Variants in EYS observed in about 807,000 individuals in gnomAD.
EYS encodes the protein EGF-like photoreceptor maintenance factor.
EYS carries 250 observed loss-of-function variants against 282.1 expected under a neutral mutation model. The observed-to-expected ratio is 0.89, with a 90% CI of 0.80 to 0.98. The LOEUF is 0.98. EYS is among the 50% of genes least tolerant of loss of function. The pLI is 0.00. For missense variants in EYS, 4,016 were observed against 3,709.0 expected (o/e 1.08, Z -2.15); for synonymous variants, 1,355 against 1,282.9 (o/e 1.06, Z -1.20).
intron 26 of EYS, among the ~76,000 whole-genome samples, chr6:64,504,786 A>T (rs1777161451): frequency 6.6e-6 from 1 of 152,218 alleles, no homozygotes; most frequent in Non-Finnish European, 1.5e-5. Context: ...TGCAGTTGAG[A>T]GAGAGAAGTT....
At chr6:63,935,166 A>G (rs1049487330) in intron 35 of EYS, among the ~76,000 whole-genome samples, 1 of 152,272 alleles carries the variant, frequency 6.6e-6, no homozygotes. Flanking sequence ...TCCCCTCCCA[A>G]CTTCTCAGCT....
At chr6:64,610,848 T>G (rs1356499849) in intron 24 of EYS, among the ~76,000 whole-genome samples, 1 of 152,170 alleles carries the variant, frequency 6.6e-6, no homozygotes, top group Non-Finnish European at 1.5e-5. Context: ...CTTCCTCTTT[T>G]CATTAATATT....
At chr6:64,423,850 A>G (rs2150454085) in intron 28 of EYS, among the ~76,000 whole-genome samples, 1 of 152,286 alleles carries the variant, frequency 6.6e-6, no homozygotes, top group African/African-American at 2.4e-5. Context: ...GAGATCACCA[A>G]TGGCAAGCTT....
chr6:63,952,991 C>CA (rs1765664343), intron 35 of EYS, among the ~76,000 whole-genome samples: 1 of 152,228 alleles, frequency 6.6e-6, no homozygotes, highest in Non-Finnish European at 1.5e-5. Flanking sequence ...AAAAACTGGA[C>CA]AAGTCTTACA....
At chr6:65,110,787 CT>C (rs1360188481) in intron 12 of EYS, among the ~76,000 whole-genome samples, 3 of 151,964 alleles carry the variant, frequency 2.0e-5, no homozygotes, top group Non-Finnish European at 4.4e-5. Flanking sequence ...ACTGATAAAA[CT>C]TGTCCTCCAT....
At chr6:64,769,949 A>AC (rs1362545258) in intron 22 of EYS, among the ~76,000 whole-genome samples, 2 of 152,006 alleles carry the variant, frequency 1.3e-5, no homozygotes, top group Non-Finnish European at 2.9e-5. Context: ...ATATACACAC[A>AC]CACATACAGA....
At chr6:64,682,073 G>A (rs1017615092) in intron 22 of EYS, among the ~76,000 whole-genome samples, 2 of 152,064 alleles carry the variant, frequency 1.3e-5, no homozygotes, top group Non-Finnish European at 2.9e-5. Context: ...CAGGCCCCCG[G>A]GTGGGGCTAT....
chr6:65,456,875 C>T (rs897701975), intron 5 of EYS, among the ~76,000 whole-genome samples: 2 of 152,088 alleles, frequency 1.3e-5, no homozygotes, highest in African/African-American at 2.4e-5. Flanking sequence ...CAAACTGTCC[C>T]TGTTTGTAGA....
intron 13 of EYS, among the ~76,000 whole-genome samples, chr6:65,026,877 A>G (rs1343893856): frequency 6.6e-6 from 1 of 150,848 alleles, no homozygotes; most frequent in East Asian, 2.0e-4. Context: ...AGATCGTGCC[A>G]TTGCACTCCA....
intron 33 of EYS, among the ~76,000 whole-genome samples, chr6:64,054,992 A>G (rs1770932941): frequency 6.6e-6 from 1 of 152,192 alleles, no homozygotes; most frequent in Non-Finnish European, 1.5e-5. Context: ...TCCACCTCAC[A>G]ATCATCTGGA....
chr6:64,802,047 T>C, intron 22 of EYS, among the ~76,000 whole-genome samples: 1 of 139,990 alleles, frequency 7.1e-6, no homozygotes, highest in Non-Finnish European at 1.6e-5. Flanking sequence ...TTTTTTTTTT[T>C]TTTTGAGACG....
chr6:64,491,471 C>G (rs530396088), intron 26 of EYS, among the ~76,000 whole-genome samples: 2 of 150,902 alleles, frequency 1.3e-5, no homozygotes, highest in Admixed American at 6.6e-5. Context: ...TTACTGAACC[C>G]AGAGAATACT....
intron 36 of EYS, among the ~76,000 whole-genome samples, chr6:63,835,978 T>C (rs377008616): frequency 2.0e-5 from 3 of 152,128 alleles, no homozygotes; most frequent in East Asian, 3.8e-4. Flanking sequence ...TGTTCATCTG[T>C]TGGCAGACAT....
chr6:64,478,534 AT>A (rs911249345), intron 26 of EYS, among the ~76,000 whole-genome samples: 1 of 151,300 alleles, frequency 6.6e-6, no homozygotes, highest in Non-Finnish European at 1.5e-5. Flanking sequence ...TTGTCACTTC[AT>A]TTTTTTAACT....
chr6:65,672,341 G>A (rs1400240629), intron 1 of EYS, among the ~76,000 whole-genome samples: 2 of 152,028 alleles, frequency 1.3e-5, no homozygotes, highest in African/African-American at 4.8e-5. Flanking sequence ...CTTCATTAGT[G>A]GAGACAGACA....
chr6:64,166,600 C>T lies in EYS; in HGVS notation c.6424+63992G>A, dbSNP rs139832262. The stretch of plus-strand genomic sequence containing the variant: ...TGTCATGCTGAAGGGATTAACCTAC[C>T]GATTTTAACAAAGAGGGATATCTCC... On this transcript the variant is annotated intron_variant, in intron 31 of 42. Transcript: ENST00000503581. Among the ~76,000 whole-genome samples, 11 of 151,552 alleles carry T rather than the reference C, an allele frequency of 7.3e-5. No homozygotes were observed. The South Asian group carries it at 1.0e-3, about 14-fold the overall frequency.
At chr6:64,322,180 G>C (rs1258651450) in intron 29 of EYS, among the ~76,000 whole-genome samples, 1 of 151,972 alleles carries the variant, frequency 6.6e-6, no homozygotes, top group Non-Finnish European at 1.5e-5. Flanking sequence ...AAGTGGAGTA[G>C]AGCCTGAAAA....
intron 8 of EYS, among the ~76,000 whole-genome samples, chr6:65,357,408 G>A (rs1219614355): frequency 6.6e-6 from 1 of 151,892 alleles, no homozygotes; most frequent in African/African-American, 2.4e-5. Context: ...ACCTTCTTAA[G>A]CTTCAAGTGA....
chr6:64,554,033 A>G (rs1277735047), intron 26 of EYS, among the ~76,000 whole-genome samples: 2 of 152,164 alleles, frequency 1.3e-5, no homozygotes, highest in Non-Finnish European at 2.9e-5. Flanking sequence ...TAAGATTATG[A>G]AATGGCATCC....
Sources: allele counts gnomAD v4.1 joint callset (sites outside exome capture counted in the v4.1 genomes callset), GRCh38; gene constraint gnomAD v4.1.1; transcripts MANE v1.5; gene names NCBI Gene and HGNC (gene_info 2026-07-23, HGNC 2026-07-21).